NRG1: variants seen among roughly 807,000 people sequenced by gnomAD.
The protein encoded by NRG1 is neuregulin 1.
NRG1 carries 18 observed loss-of-function variants against 63.8 expected under a neutral mutation model. The ratio of observed to expected loss-of-function variants is 0.28; its 90% CI spans 0.19 to 0.42. The LOEUF is 0.42. Among genes scored for constraint, NRG1 ranks in the 10% least tolerant of loss-of-function variants. The probability of loss-of-function intolerance (pLI) is 1.00; values close to 1 mark genes in which losing one functional copy is unlikely to be tolerated. For missense variants in NRG1, 762 were observed against 814.7 expected, an observed-to-expected ratio of 0.94 and a Z score of 0.79; for synonymous variants, 302 against 301.3, an observed-to-expected ratio of 1.00 and a Z score of -0.02.
chr8:32,356,474 A>ACCCCCCCCCCCCCCCCCCTG (rs11426642), intron 1 of NRG1, among the ~76,000 whole-genome samples: 1 of 69,324 alleles, frequency 1.4e-5, no homozygotes, highest in African/African-American at 5.9e-5. Context: ...CCTTGTTGGG[A>ACCCCCCCCCCCCCCCCCCTG]CCCCCCCCCC....
intron 1 of NRG1, among the ~76,000 whole-genome samples, chr8:32,259,671 C>A (rs1204066351): frequency 1.3e-5 from 2 of 152,132 alleles, no homozygotes; most frequent in Non-Finnish European, 2.9e-5. Flanking sequence ...GCAAGACTAC[C>A]AAAGTATAGG....
chr8:32,325,201 C>T (rs1377200001), intron 1 of NRG1, among the ~76,000 whole-genome samples: 1 of 152,058 alleles, frequency 6.6e-6, no homozygotes, highest in Non-Finnish European at 1.5e-5. Flanking sequence ...TTCTAGTGAA[C>T]CAAGCAAGAC....
chr8:31,795,285 C>A (rs1349674502), intron 1 of NRG1, among the ~76,000 whole-genome samples: 1 of 152,262 alleles, frequency 6.6e-6, no homozygotes, highest in South Asian at 2.1e-4. Flanking sequence ...ACAGACAGTG[C>A]TCCATTTTGA....
intron 1 of NRG1, among the ~76,000 whole-genome samples, chr8:32,072,557 G>GTT (rs146545184): frequency 1.3e-5 from 2 of 151,964 alleles, no homozygotes; most frequent in African/African-American, 4.8e-5. Flanking sequence ...TCTTTTAATT[G>GTT]TTTTTTACAA....
At chr8:32,353,550 A>T (rs996957249) in intron 1 of NRG1, among the ~76,000 whole-genome samples, 5 of 152,164 alleles carry the variant, frequency 3.3e-5, no homozygotes, top group Non-Finnish European at 7.4e-5. Flanking sequence ...TGGATAGCCA[A>T]AAAGCATATA....
chr8:32,074,573 G>A (rs1826211362), intron 1 of NRG1, among the ~76,000 whole-genome samples: 1 of 152,088 alleles, frequency 6.6e-6, no homozygotes, highest in Non-Finnish European at 1.5e-5. Context: ...AGATTCTTAG[G>A]GCAGTGCGTG....
intron 1 of NRG1, among the ~76,000 whole-genome samples, chr8:31,925,710 A>G (rs1419826051): frequency 6.6e-6 from 1 of 151,232 alleles, no homozygotes; most frequent in East Asian, 1.9e-4. Flanking sequence ...TTATTAATTA[A>G]TCTTCTTCTT....
At chr8:32,184,475 T>C (rs999958571) in intron 1 of NRG1, among the ~76,000 whole-genome samples, 4 of 152,184 alleles carry the variant, frequency 2.6e-5, no homozygotes, top group Admixed American at 2.0e-4. Flanking sequence ...AATGGTATTG[T>C]GTTGATAGGA....
intron 1 of NRG1, among the ~76,000 whole-genome samples, chr8:32,223,745 A>G (rs1370115509): frequency 6.6e-6 from 1 of 152,176 alleles, no homozygotes; most frequent in Admixed American, 6.5e-5. Context: ...GGCCCCAAGG[A>G]AGCCTTGAGA....
chr8:32,595,338 T>C (rs1843168226), intron 1 of NRG1, among the ~76,000 whole-genome samples: 1 of 151,928 alleles, frequency 6.6e-6, no homozygotes, highest in Non-Finnish European at 1.5e-5. Flanking sequence ...TACAGGCACA[T>C]GCCACCATGC....
At chr8:32,116,541 T>C (rs1305423245) in intron 1 of NRG1, among the ~76,000 whole-genome samples, 3 of 152,138 alleles carry the variant, frequency 2.0e-5, no homozygotes, top group Non-Finnish European at 4.4e-5. Context: ...AAGAACTCTA[T>C]TAGGCAAGAG....
chr8:32,142,442 G>A (rs180971340), intron 1 of NRG1, among the ~76,000 whole-genome samples: 22 of 152,246 alleles, frequency 1.4e-4, no homozygotes, highest in Non-Finnish European at 2.4e-4. Context: ...AATATTCGGC[G>A]TGATTATTCC....
At chr8:32,244,754 G>T (rs1178899511) in intron 1 of NRG1, among the ~76,000 whole-genome samples, 1 of 152,168 alleles carries the variant, frequency 6.6e-6, no homozygotes, top group Non-Finnish European at 1.5e-5. Flanking sequence ...AAGAGTTCTT[G>T]TTGGCATTAT....
At chr8:32,362,576 T>C (rs1384860596) in intron 1 of NRG1, among the ~76,000 whole-genome samples, 1 of 152,186 alleles carries the variant, frequency 6.6e-6, no homozygotes, top group Admixed American at 6.5e-5. Flanking sequence ...TGGAATACAT[T>C]CTGGATGCAT....
At chr8:32,000,869 G>A (rs1812808976) in intron 1 of NRG1, among the ~76,000 whole-genome samples, 1 of 151,864 alleles carries the variant, frequency 6.6e-6, no homozygotes, top group Admixed American at 6.6e-5. Flanking sequence ...CTTTCATATT[G>A]ATGAACCATC....
intron 1 of NRG1, among the ~76,000 whole-genome samples, chr8:31,806,211 G>A (rs1441035513): frequency 6.6e-6 from 1 of 152,052 alleles, no homozygotes; most frequent in African/African-American, 2.4e-5. Flanking sequence ...CTATCAACTG[G>A]AAAACTAATT....
chr8:32,558,192 A>C (rs1835565188), intron 1 of NRG1, among the ~76,000 whole-genome samples: 1 of 152,156 alleles, frequency 6.6e-6, no homozygotes, highest in African/African-American at 2.4e-5. Flanking sequence ...GACTGAATCC[A>C]CACAAGGCCG....
At chr8:32,095,517 T>C (rs1281357036) in intron 1 of NRG1, among the ~76,000 whole-genome samples, 1 of 152,220 alleles carries the variant, frequency 6.6e-6, no homozygotes, top group Non-Finnish European at 1.5e-5. Context: ...TCAGAAAACA[T>C]GACACATAGC....
In NRG1 at chr8:31,640,390, GCCAACGGGACCGT is replaced by G; in HGVS notation, c.37+960_37+972del. The stretch of plus-strand genomic sequence containing the variant: ...GCCCGCCGAGGAGCCGCTGCTCGCC[GCCAACGGGACCGT>G]GCCCTCTTGGCCCACCGCCCCGGTG... On this transcript the variant is annotated intron_variant, in intron 1 of 10. Transcript: ENST00000519301. This position sits in a 1 kb window ranked among gnomAD's most constrained non-coding sequence, Gnocchi z 6.3. 2.2e-6 allele frequency: 3 copies of G among 1,345,298 alleles called. No homozygotes were observed. Among genetic ancestry groups the G allele is most frequent in the Non-Finnish European group, 2.9e-6 (3 of 1,043,616 alleles). 83.3% of individuals were successfully genotyped at this position (1,345,298 alleles called of 1,614,324 possible).
Sources: allele counts gnomAD v4.1 joint callset (sites outside exome capture counted in the v4.1 genomes callset), GRCh38; gene constraint gnomAD v4.1.1; non-coding constraint Gnocchi (gnomAD v3.1); transcripts MANE v1.5; gene names NCBI Gene and HGNC (gene_info 2026-07-23, HGNC 2026-07-21).